Variants in DUSP10 observed in about 807,000 individuals in gnomAD.
The protein encoded by DUSP10 is dual specificity phosphatase 10, also known as dual specificity protein phosphatase 10.
A neutral mutation model predicts 30.8 loss-of-function variants in DUSP10; 14 were observed. The observed-to-expected ratio is 0.46, with a 90% confidence interval of 0.30 to 0.71. The LOEUF is 0.71. DUSP10 is among the 30% of genes least tolerant of loss of function. DUSP10 has a pLI of 0.08. For missense variants in DUSP10, 550 were observed against 619.4 expected, an observed-to-expected ratio of 0.89 and a Z score of 1.19; for synonymous variants, 254 against 250.4, an observed-to-expected ratio of 1.01 and a Z score of -0.14.
intron 2 of DUSP10, among the ~76,000 whole-genome samples, chr1:221,729,321 CA>C (rs763184364): frequency 1.8e-4 from 28 of 151,964 alleles, no homozygotes; most frequent in Non-Finnish European, 3.7e-4. Flanking sequence ...TGAGGATATA[CA>C]AGAAAAATGG....
intron 2 of DUSP10, chr1:221,737,143 G>C: frequency 2.0e-6 from 2 of 985,428 alleles, no homozygotes; most frequent in Non-Finnish European, 1.2e-6. Context: ...GCAAAATAGA[G>C]AGTAGGGTCT....
intron 2 of DUSP10, among the ~76,000 whole-genome samples, chr1:221,733,493 C>T (rs1661676001): frequency 6.6e-6 from 1 of 152,174 alleles, no homozygotes; most frequent in South Asian, 2.1e-4. Flanking sequence ...TTGGTAAGGG[C>T]AAGAGTATTC....
chr1:221,703,958 CT>C (rs1426124082), intron 3 of DUSP10, among the ~76,000 whole-genome samples: 13 of 152,308 alleles, frequency 8.5e-5, no homozygotes. Flanking sequence ...AAGCATCTCT[CT>C]TTTTCAACTT....
At chr1:221,709,437 A>C (rs1160916501) in intron 2 of DUSP10, among the ~76,000 whole-genome samples, 4 of 127,228 alleles carry the variant, frequency 3.1e-5, no homozygotes, top group Non-Finnish European at 4.7e-5. Context: ...CCATGTAGGA[A>C]CTCTGTTCTT....
intron 3 of DUSP10, among the ~76,000 whole-genome samples, chr1:221,703,613 A>G (rs1459744046): frequency 6.6e-6 from 1 of 152,242 alleles, no homozygotes; most frequent in Non-Finnish European, 1.5e-5. Context: ...GAATCCCAGC[A>G]ATGGCTCAAA....
Position 221,706,256 on chromosome 1 carries a change from T to A in DUSP10, c.1022A>T (p.Asp341Val). The change falls in exon 3 of 4, where the codon GAC (aspartate) becomes GTC (valine). Residue 341 changes from aspartate to valine, a missense_variant. Coordinates refer to ENST00000366899, the MANE Select transcript of DUSP10 (RefSeq NM_007207.6). This position sits in a 1 kb window ranked among gnomAD's most constrained non-coding sequence, Gnocchi z 4.6. ...LGNEQDAQDL[D>V]TMQRLNIGYV... ...GCCGATGTTCAGCCGCTGCATGGTG[T>A]CCAGGTCCTGAGCATCCTGCTCATT... 6.2e-7 allele frequency: 1 copy of A among 1,614,142 alleles called. No individual in the cohort carries two copies. Among genetic ancestry groups the A allele is most frequent in the Non-Finnish European group, 8.5e-7 (1 of 1,180,020 alleles).
intron 3 of DUSP10, among the ~76,000 whole-genome samples, chr1:221,703,540 G>A (rs2102609892): frequency 6.6e-6 from 1 of 152,340 alleles, no homozygotes; most frequent in African/African-American, 2.4e-5. Context: ...CACCTCTCAA[G>A]CATTCAATCC....
intron 2 of DUSP10, among the ~76,000 whole-genome samples, chr1:221,726,248 TGG>T (rs879802769): frequency 6.6e-5 from 10 of 152,196 alleles, no homozygotes; most frequent in African/African-American, 9.6e-5. Flanking sequence ...TTTCTCTAAA[TGG>T]GGAGTGCAGT....
At chr1:221,731,281 A>T in intron 2 of DUSP10, among the ~76,000 whole-genome samples, 1 of 151,614 alleles carries the variant, frequency 6.6e-6, no homozygotes, top group East Asian at 1.9e-4. Flanking sequence ...TTATTTTTTT[A>T]AAGCAGGCCA....
At chr1:221,703,997 C>A (rs966177218) in intron 3 of DUSP10, among the ~76,000 whole-genome samples, 3 of 152,160 alleles carry the variant, frequency 2.0e-5, no homozygotes, top group African/African-American at 4.8e-5. Context: ...GTATTTAGCT[C>A]CAAGTCAAGA....
At chr1:221,712,042 G>A (rs1558118202) in intron 2 of DUSP10, among the ~76,000 whole-genome samples, 1 of 152,076 alleles carries the variant, frequency 6.6e-6, no homozygotes. Flanking sequence ...GGGTGGTGGT[G>A]GGTACCAGCT....
At chr1:221,736,938 G>C in intron 2 of DUSP10, 4 of 985,464 alleles carry the variant, frequency 4.1e-6, no homozygotes, top group Middle Eastern at 5.2e-4. Flanking sequence ...GCGCCCAGTG[G>C]TGAGGTCAGC....
Position 221,704,929 on chromosome 1 carries a change from T to C in DUSP10, c.1183+1166A>G, listed in dbSNP as rs145628532. Among the ~76,000 whole-genome samples the C allele has an allele frequency of 7.9e-3, 1,201 of 152,238 alleles. 11 individuals are homozygous for C. Among genetic ancestry groups the C allele is most frequent in the African/African-American group, 0.027 (1,124 of 41,526 alleles). On this transcript the variant is annotated intron_variant, in intron 3 of 3. Coordinates refer to ENST00000366899, the MANE Select transcript of DUSP10 (RefSeq NM_007207.6). ...GTTAAACCTGAGGCTGTTTTTTTCT[T>C]TCTCTGACAAAGGAACACCCCACTC...
At chr1:221,718,946 AG>A (rs1341193564) in intron 2 of DUSP10, among the ~76,000 whole-genome samples, 2 of 152,152 alleles carry the variant, frequency 1.3e-5, no homozygotes, top group African/African-American at 2.4e-5. Context: ...CCATGACAGG[AG>A]GGGTGGGGGA....
chr1:221,712,334 G>A (rs973691137), intron 2 of DUSP10, among the ~76,000 whole-genome samples: 2 of 152,234 alleles, frequency 1.3e-5, no homozygotes, highest in Admixed American at 1.3e-4. Flanking sequence ...GTCTCACTAG[G>A]TATAAGGTAT....
chr1:221,716,398 A>G (rs564764825), intron 2 of DUSP10, among the ~76,000 whole-genome samples: 2 of 152,262 alleles, frequency 1.3e-5, no homozygotes, highest in African/African-American at 4.8e-5. Flanking sequence ...CCTCTGCCAG[A>G]GGGGCAGGGA....
chr1:221,730,134 T>C (rs1218096050), intron 2 of DUSP10, among the ~76,000 whole-genome samples: 1 of 152,092 alleles, frequency 6.6e-6, no homozygotes, highest in Non-Finnish European at 1.5e-5. Context: ...TAGCAACAGC[T>C]GGTAATATTT....
chr1:221,709,043 C>A (rs2102617717), intron 2 of DUSP10, among the ~76,000 whole-genome samples: 1 of 150,724 alleles, frequency 6.6e-6, no homozygotes, highest in Non-Finnish European at 1.5e-5. Context: ...GAAAACCCCA[C>A]ACACAGAAAA....
At chr1:221,734,979 A>G (rs1486477127) in intron 2 of DUSP10, among the ~76,000 whole-genome samples, 1 of 141,198 alleles carries the variant, frequency 7.1e-6, no homozygotes, top group Non-Finnish European at 1.5e-5. Context: ...GAGCCTAGCC[A>G]TCCACTTTGT....
Sources: allele counts gnomAD v4.1 joint callset (sites outside exome capture counted in the v4.1 genomes callset), GRCh38; gene constraint gnomAD v4.1.1; non-coding constraint Gnocchi (gnomAD v3.1); transcripts MANE v1.5; gene names NCBI Gene and HGNC (gene_info 2026-07-23, HGNC 2026-07-21).